The following UGT1A7 variants were observed in gnomAD, a reference collection of about 807,000 sequenced individuals.
UGT1A7 encodes the protein UDP glucuronosyltransferase family 1 member A7.
In UGT1A7, 33 loss-of-function variants were observed where a neutral mutation model predicts 45.6. That is an observed-to-expected ratio of 0.72 (90% CI 0.55 to 0.97). UGT1A7 has a LOEUF of 0.97. Among genes scored for constraint, UGT1A7 ranks in the 50% least tolerant of loss-of-function variants. UGT1A7 has a pLI of 0.00. For synonymous variants in UGT1A7, 274 were observed against 250.6 expected (o/e 1.09, Z -0.88); for missense variants, 684 against 666.2 (o/e 1.03, Z -0.29).
intron 1 of UGT1A7, chr2:233,743,526 C>T (rs1373846752): frequency 7.3e-7 from 1 of 1,367,230 alleles, no homozygotes; most frequent in Admixed American, 1.9e-5. Flanking sequence ...TTCTGCTTCC[C>T]CAGCAGTTCC....
At chr2:233,747,985 G>A (rs1693830489) in intron 1 of UGT1A7, 11 of 1,613,486 alleles carry the variant, frequency 6.8e-6, no homozygotes, top group South Asian at 5.5e-5. Flanking sequence ...TGGCTGTTCC[G>A]AGGGGACTTT....
rs199723856 is a variant in UGT1A7, at chr2:233,772,452, G to C, written c.1486G>C (p.Val496Leu). Residue 496 changes from valine (V) to leucine (L), a missense_variant, in exon 5 of 5, where the codon GTG (valine) becomes CTG (leucine). By Grantham distance (32) the Val-to-Leu change is conservative. Coordinates refer to ENST00000373426, the MANE Select transcript of UGT1A7 (RefSeq NM_019077.3). ...LDVIGFLLAV[V>L]LTVAFITFKC... Reference sequence around the variant, plus strand: ...CGTGATTGGTTTCCTCTTGGCCGTCGTGCTGACAGTGGCCTTCATCACCTT... The same window carrying C: ...CGTGATTGGTTTCCTCTTGGCCGTCCTGCTGACAGTGGCCTTCATCACCTT... 6.2e-7 allele frequency: 1 copy of C among 1,614,176 alleles called. No homozygotes were observed. Among genetic ancestry groups the C allele is most frequent in the Non-Finnish European group, 8.5e-7 (1 of 1,180,044 alleles).
At chr2:233,752,994 T>C (rs1324115545) in intron 1 of UGT1A7, among the ~76,000 whole-genome samples, 2 of 152,114 alleles carry the variant, frequency 1.3e-5, no homozygotes, top group Admixed American at 1.3e-4. Flanking sequence ...ACCCACTCAT[T>C]CTATCCTACC....
intron 1 of UGT1A7, among the ~76,000 whole-genome samples, chr2:233,700,712 C>CT (rs1247819378): frequency 6.6e-6 from 1 of 151,478 alleles, no homozygotes; most frequent in African/African-American, 2.4e-5. Context: ...ATGTTTTTTT[C>CT]TTTTTTTAAA....
Position 233,729,835 on chromosome 2 carries a change from G to A in UGT1A7, c.856-37199G>A, listed in dbSNP as rs530955113. On this transcript the variant is annotated intron_variant, in intron 1 of 4. Coordinates refer to ENST00000373426, the MANE Select transcript of UGT1A7 (RefSeq NM_019077.3). Reference sequence around the variant, plus strand: ...TGCTCCTTATGCAAGCCTTGCCTCTGAGCTTTTTCAGAGAGAGGTGTCAGT... The same window carrying A: ...TGCTCCTTATGCAAGCCTTGCCTCTAAGCTTTTTCAGAGAGAGGTGTCAGT... 4.0e-5 allele frequency: 65 copies of A among 1,613,870 alleles called. 1 individual carries two copies. In the South Asian group the frequency reaches 7.0e-4, roughly 17 times the overall value.
intron 1 of UGT1A7, among the ~76,000 whole-genome samples, chr2:233,727,524 C>T (rs1429199465): frequency 6.6e-6 from 1 of 152,188 alleles, no homozygotes; most frequent in Non-Finnish European, 1.5e-5. Flanking sequence ...GAAGAGCACA[C>T]TACCAGGCGT....
At position 233,693,441 on chromosome 2, in the gene UGT1A7, C is replaced by T. The variant is rs370800258; in HGVS notation, c.855+10649C>T. The T allele has an allele frequency of 1.7e-5, 27 of 1,614,026 alleles. No homozygotes were observed. In the African/African-American group the frequency reaches 3.2e-4, roughly 19 times the overall value. On this transcript the variant is annotated intron_variant, in intron 1 of 4. Coordinates refer to ENST00000373426, the MANE Select transcript of UGT1A7 (RefSeq NM_019077.3). ...TTCTTTAAGGAGAGCAAGTTTGATG[C>T]TCTTTTCACAGACCCAGCCTTACCC...
intron 1 of UGT1A7, among the ~76,000 whole-genome samples, chr2:233,735,934 C>T (rs2078711337): frequency 6.6e-6 from 1 of 152,038 alleles, no homozygotes; most frequent in South Asian, 2.1e-4. Context: ...TCTGTGGCTG[C>T]CCTTAACATT....
intron 1 of UGT1A7, among the ~76,000 whole-genome samples, chr2:233,733,071 A>G (rs1267535040): frequency 6.6e-6 from 1 of 152,128 alleles, no homozygotes; most frequent in African/African-American, 2.4e-5. Context: ...TCTTTGTAGC[A>G]ATTGTGAATG....
intron 1 of UGT1A7, among the ~76,000 whole-genome samples, chr2:233,759,957 T>C (rs371912681): frequency 1.3e-5 from 2 of 152,236 alleles, no homozygotes; most frequent in Non-Finnish European, 2.9e-5. Context: ...CACTACATAG[T>C]CGTCCTTCTT....
At chr2:233,760,285 G>T (rs376515645) in intron 1 of UGT1A7, 112 of 1,612,816 alleles carry the variant, frequency 6.9e-5, no homozygotes, top group Non-Finnish European at 8.9e-5. Flanking sequence ...GAGCAAAGGC[G>T]CCATGGCTGT....
chr2:233,704,120 A>G (rs1015363389), intron 1 of UGT1A7, among the ~76,000 whole-genome samples: 1 of 151,672 alleles, frequency 6.6e-6, no homozygotes, highest in African/African-American at 2.4e-5. Flanking sequence ...CAAACTCCTT[A>G]CCTCAAGTGA....
At chr2:233,719,297 G>A (rs45467894) in intron 1 of UGT1A7, 296 of 1,613,968 alleles carry the variant, frequency 1.8e-4, no homozygotes, top group African/African-American at 1.8e-3. Context: ...TCTGTGGGGC[G>A]GTGCTGGCTA....
intron 1 of UGT1A7, among the ~76,000 whole-genome samples, chr2:233,701,179 T>C (rs961391364): frequency 6.6e-6 from 1 of 152,222 alleles, no homozygotes; most frequent in African/African-American, 2.4e-5. Context: ...GTTATAAACA[T>C]ACATGTGCAT....
chr2:233,772,331 C>G lies in UGT1A7; in HGVS notation c.1365C>G (p.Ala455=). ...GCCCGGTGGAGCCGCTGGACCTGGC[C>G]GTGTTCTGGGTGGAGTTTGTGATGA... ...KDRPVEPLDL[A]VFWVEFVMRH... Residue 455 remains alanine (A), a synonymous_variant, in exon 5 of 5, where the codon GCC becomes GCG. Coordinates refer to ENST00000373426, the MANE Select transcript of UGT1A7 (RefSeq NM_019077.3). The G allele has an allele frequency of 6.2e-7, 1 of 1,614,136 alleles. No individual in the cohort carries two copies. The highest frequency in any genetic ancestry group is 8.5e-7 in the Non-Finnish European group (1 of 1,180,034).
chr2:233,770,389 C>T (rs1188448895), intron 4 of UGT1A7: 4 of 152,212 alleles, frequency 2.6e-5, no homozygotes, highest in African/African-American at 4.8e-5. Flanking sequence ...TACGGTGGCT[C>T]ATGCCTGTAG....
intron 1 of UGT1A7, among the ~76,000 whole-genome samples, chr2:233,700,874 C>T (rs1245248063): frequency 1.3e-5 from 2 of 151,768 alleles, no homozygotes; most frequent in African/African-American, 4.8e-5. Flanking sequence ...CCTCCCTCCT[C>T]CCCCCACCCC....
chr2:233,730,870 C>G (rs1312023750), intron 1 of UGT1A7, among the ~76,000 whole-genome samples: 2 of 152,146 alleles, frequency 1.3e-5, no homozygotes, highest in Admixed American at 1.3e-4. Context: ...CTACTGCACT[C>G]CAGGTTTCTA....
chr2:233,747,300 G>A (rs1415294813), intron 1 of UGT1A7: 68 of 1,602,464 alleles, frequency 4.2e-5, no homozygotes, highest in Admixed American at 3.8e-4. Flanking sequence ...CTGAGAGTGG[G>A]AAGGTGCTGG....
Sources: allele counts gnomAD v4.1 joint callset (sites outside exome capture counted in the v4.1 genomes callset), GRCh38; gene constraint gnomAD v4.1.1; transcripts MANE v1.5; gene names NCBI Gene and HGNC (gene_info 2026-07-23, HGNC 2026-07-21).